Variants in TCEA1 observed in about 807,000 individuals in gnomAD.
The protein encoded by TCEA1 is transcription elongation factor A1.
TCEA1 carries 21 observed loss-of-function variants against 43.8 expected under a neutral mutation model. The observed-to-expected ratio is 0.48, with a 90% confidence interval of 0.34 to 0.69. The LOEUF (loss-of-function observed/expected upper bound fraction) is 0.69, where lower values mean the gene tolerates loss of function less well. Among genes scored for constraint, TCEA1 ranks in the 30% least tolerant of loss-of-function variants. TCEA1 has a pLI of 0.01. For synonymous variants in TCEA1, 104 were observed against 117.5 expected, an observed-to-expected ratio of 0.88 and a Z score of 0.75; for missense variants, 250 against 365.1, an observed-to-expected ratio of 0.68 and a Z score of 2.57.
At chr8:54,014,675 A>G (rs1293851695) in intron 1 of TCEA1, among the ~76,000 whole-genome samples, 1 of 152,188 alleles carries the variant, frequency 6.6e-6, no homozygotes, top group African/African-American at 2.4e-5. Flanking sequence ...TACTTGTACT[A>G]TGTGCTCAGT....
At chr8:53,996,714 AAAAC>A (rs1184269137) in intron 3 of TCEA1, among the ~76,000 whole-genome samples, 4 of 152,180 alleles carry the variant, frequency 2.6e-5, no homozygotes, top group Non-Finnish European at 5.9e-5. Flanking sequence ...TTATGATAGA[AAAAC>A]AAACTATTTT....
intron 9 of TCEA1, chr8:53,970,188 G>A (rs1307800835): frequency 1.7e-6 from 1 of 589,028 alleles, no homozygotes; most frequent in Non-Finnish European, 3.0e-6. Context: ...ACAAATAAAG[G>A]TGGTAAAGTC....
chr8:53,981,998 C>T (rs374205081), intron 7 of TCEA1, among the ~76,000 whole-genome samples: 42 of 149,426 alleles, frequency 2.8e-4, no homozygotes, highest in African/African-American at 9.9e-4. Context: ...CTCCTGGACT[C>T]AAGTGATCTG....
intron 1 of TCEA1, among the ~76,000 whole-genome samples, chr8:54,013,444 G>A (rs1219356571): frequency 1.3e-5 from 2 of 152,022 alleles, no homozygotes; most frequent in African/African-American, 2.4e-5. Flanking sequence ...TTGGGAGACC[G>A]AGGTGGGAGG....
intron 8 of TCEA1, chr8:53,973,055 G>A (rs748093634): frequency 4.5e-6 from 3 of 672,282 alleles, no homozygotes; most frequent in Non-Finnish European, 5.7e-6. Context: ...AAGAGCTTTT[G>A]GACATGGATT....
rs372637446 is a variant in TCEA1, at chr8:53,970,517, C to A, written c.826-54G>T. 50 of 930,482 alleles carry A rather than the reference C, an allele frequency of 5.4e-5. 1 individual carries two copies. The highest frequency in any genetic ancestry group is 2.8e-4 in the East Asian group (11 of 38,986). 57.6% of individuals were successfully genotyped at this position (930,482 alleles called of 1,614,324 possible). Reference sequence around the variant, plus strand: ...TTTGCAGTACTATTAAAAAACCCAACCCAAATAATGTTATACATAAAGATA... The same window carrying A: ...TTTGCAGTACTATTAAAAAACCCAAACCAAATAATGTTATACATAAAGATA... On this transcript the variant is annotated intron_variant, in intron 8 of 9. Transcript: ENST00000521604.
chr8:53,985,499 G>A (rs1429076061), intron 6 of TCEA1, among the ~76,000 whole-genome samples: 1 of 152,124 alleles, frequency 6.6e-6, no homozygotes, highest in Admixed American at 6.5e-5. Context: ...TGGTCACACA[G>A]TTCCCACAGG....
intron 1 of TCEA1, among the ~76,000 whole-genome samples, chr8:54,012,552 C>A (rs1265297315): frequency 6.6e-6 from 1 of 152,136 alleles, no homozygotes; most frequent in Non-Finnish European, 1.5e-5. Flanking sequence ...GAGCGAGACT[C>A]CGTCTCAAAA....
chr8:53,998,595 T>C (rs1804142944), intron 3 of TCEA1, among the ~76,000 whole-genome samples: 1 of 152,064 alleles, frequency 6.6e-6, no homozygotes, highest in Admixed American at 6.6e-5. Context: ...AAAGACAAAA[T>C]TGCGTTTAAT....
At chr8:54,010,138 A>C in intron 2 of TCEA1, 3 of 314,712 alleles carry the variant, frequency 9.5e-6, no homozygotes, top group Non-Finnish European at 1.7e-5. Context: ...AGAAAGGGAA[A>C]TCTTAGGAGA....
chr8:53,990,574 G>A (rs1803845677), intron 4 of TCEA1, among the ~76,000 whole-genome samples: 1 of 151,944 alleles, frequency 6.6e-6, no homozygotes, highest in African/African-American at 2.4e-5. Flanking sequence ...TGTTGCTCAG[G>A]CTAGTCTCAA....
chr8:53,996,381 G>C (rs117511322), intron 3 of TCEA1, among the ~76,000 whole-genome samples: 1 of 152,218 alleles, frequency 6.6e-6, no homozygotes, highest in Non-Finnish European at 1.5e-5. Flanking sequence ...TAACCGCTCA[G>C]TGCCTCAGAT....
chr8:53,984,597 C>A (rs938425177), intron 6 of TCEA1, 80 bp from the exon 7 acceptor site: 10 of 1,317,752 alleles, frequency 7.6e-6, no homozygotes, highest in Non-Finnish European at 1.0e-5. Flanking sequence ...AATAAGAATT[C>A]CTGAGGCCAG....
chr8:54,012,083 G>A (rs1200240764), intron 1 of TCEA1, among the ~76,000 whole-genome samples: 1 of 152,162 alleles, frequency 6.6e-6, no homozygotes, highest in Admixed American at 6.6e-5. Context: ...CTACAGGTAT[G>A]ACATTGTTGT....
intron 6 of TCEA1, among the ~76,000 whole-genome samples, chr8:53,986,699 C>T (rs897640001): frequency 6.6e-6 from 1 of 152,204 alleles, no homozygotes; most frequent in African/African-American, 2.4e-5. Flanking sequence ...TCAGCTTCAA[C>T]ATGAAGGAAA....
In TCEA1 at chr8:53,993,722, T is replaced by G; in HGVS notation, c.266A>C (p.Lys89Thr). ...CGATGTAATTGCAGGTTCTTTCTTCTTTTCGTCAAGGTCTTTCTCAGTTGA... is the reference window on the plus strand; with the variant it reads ...CGATGTAATTGCAGGTTCTTTCTTCGTTTCGTCAAGGTCTTTCTCAGTTGA... ...GPSTEKDLDE[K>T]KKEPAITSQN... The change falls in exon 4 of 10, where the codon AAG (lysine) becomes ACG (threonine). Residue 89 changes from lysine (K) to threonine (T), a missense_variant. By Grantham distance (78) the Lys-to-Thr change is moderately conservative. This residue lies in a region of TCEA1 where 147 missense variants were observed against 160.3 expected (regional missense o/e 0.92). Transcript: ENST00000521604. 1 of 1,613,780 alleles carries G rather than the reference T, an allele frequency of 6.2e-7. No homozygotes were observed. Among genetic ancestry groups the G allele is most frequent in the Non-Finnish European group, 8.5e-7 (1 of 1,179,814 alleles).
intron 3 of TCEA1, among the ~76,000 whole-genome samples, chr8:53,995,858 TTG>T (rs1178316247): frequency 6.6e-6 from 1 of 152,214 alleles, no homozygotes. Flanking sequence ...AAGTTGAAGT[TTG>T]TCAAACCTAA....
intron 2 of TCEA1, chr8:54,002,814 GA>G (rs1280848050): frequency 6.8e-6 from 3 of 443,990 alleles, no homozygotes; most frequent in Non-Finnish European, 1.4e-5. Context: ...TATACATCGT[GA>G]AACTCTAGCA....
chr8:54,004,240 T>A (rs930897869), intron 2 of TCEA1, among the ~76,000 whole-genome samples: 7 of 152,152 alleles, frequency 4.6e-5, no homozygotes, highest in African/African-American at 1.7e-4. Flanking sequence ...CCTCAAAATG[T>A]TAAACACACA....
Sources: allele counts gnomAD v4.1 joint callset (sites outside exome capture counted in the v4.1 genomes callset), GRCh38; gene constraint gnomAD v4.1.1; regional missense constraint gnomAD v4.1.1; transcripts MANE v1.5; gene names NCBI Gene and HGNC (gene_info 2026-07-23, HGNC 2026-07-21).